Variants in MOB3B observed in about 807,000 individuals in gnomAD.
MOB3B encodes MOB kinase activator-like 2B.
Under a neutral mutation model 18.7 loss-of-function variants are expected in MOB3B, and 7 were observed. The observed-to-expected ratio is 0.37, with a 90% confidence interval of 0.21 to 0.70. MOB3B has a LOEUF of 0.70. Among genes scored for constraint, MOB3B ranks in the 30% least tolerant of loss-of-function variants. The pLI is 0.52. For synonymous variants in MOB3B, 111 were observed against 99.9 expected, an observed-to-expected ratio of 1.11 and a Z score of -0.66; for missense variants, 253 against 281.3, an observed-to-expected ratio of 0.90 and a Z score of 0.72.
At chr9:27,436,080 C>G (rs1267410977) in intron 2 of MOB3B, among the ~76,000 whole-genome samples, 1 of 152,170 alleles carries the variant, frequency 6.6e-6, no homozygotes, top group East Asian at 1.9e-4. Flanking sequence ...CTACCCAGAC[C>G]CCGTACCACC....
intron 2 of MOB3B, among the ~76,000 whole-genome samples, chr9:27,427,879 C>G (rs976616431): frequency 6.6e-6 from 1 of 152,154 alleles, no homozygotes; most frequent in African/African-American, 2.4e-5. Context: ...GGCTCTCCAG[C>G]AGTCCCTCCA....
chr9:27,513,439 G>C (rs1238490432), intron 1 of MOB3B, among the ~76,000 whole-genome samples: 1 of 152,068 alleles, frequency 6.6e-6, no homozygotes, highest in African/African-American at 2.4e-5. Flanking sequence ...CCACTCTCTT[G>C]TTTGAAACTC....
intron 2 of MOB3B, among the ~76,000 whole-genome samples, chr9:27,426,295 C>G (rs60153057): frequency 0.011 from 1,672 of 152,288 alleles, 34 homozygotes; most frequent in African/African-American, 0.038. Flanking sequence ...TTCTCAGTTA[C>G]AAGCACCAAA....
chr9:27,464,208 A>AG (rs1160524045), intron 1 of MOB3B, among the ~76,000 whole-genome samples: 1 of 152,130 alleles, frequency 6.6e-6, no homozygotes, highest in Non-Finnish European at 1.5e-5. Context: ...AGAAATAGGC[A>AG]GGAGGTGGTA....
At chr9:27,452,203 CCCGT>C (rs1279149969) in intron 2 of MOB3B, among the ~76,000 whole-genome samples, 93 of 149,456 alleles carry the variant, frequency 6.2e-4, no homozygotes, top group African/African-American at 2.3e-3. Flanking sequence ...CATCCACCCA[CCCGT>C]CCATCCATCC....
chr9:27,327,432 A>G lies in MOB3B; in HGVS notation c.*3155T>C, dbSNP rs910375302. ...ACATCACACATGTAGCAGTCTTGGGAAAAAAAATGTAACCTGTATCTCGTA... is the reference window on the plus strand; with the variant it reads ...ACATCACACATGTAGCAGTCTTGGGGAAAAAAATGTAACCTGTATCTCGTA... On this transcript the variant is annotated 3_prime_UTR_variant, in exon 4 of 4. Transcript: ENST00000262244. 5 of 151,982 alleles carry G rather than the reference A, an allele frequency of 3.3e-5. No homozygotes were observed. Among genetic ancestry groups the G allele is most frequent in the East Asian group, 1.9e-4 (1 of 5,198 alleles). The allele number at this position is 151,982 out of a possible 1,614,324, so 9.4% of individuals were successfully genotyped here. A position where few individuals can be genotyped will look rare whatever the true frequency, so the allele number is the denominator to read the frequency against.
intron 1 of MOB3B, among the ~76,000 whole-genome samples, chr9:27,509,878 C>T (rs1196671988): frequency 2.0e-5 from 3 of 152,154 alleles, no homozygotes; most frequent in African/African-American, 7.2e-5. Context: ...GCGCGCAGCA[C>T]CGCGTCCGGC....
At chr9:27,428,987 T>C (rs1238889907) in intron 2 of MOB3B, among the ~76,000 whole-genome samples, 1 of 152,200 alleles carries the variant, frequency 6.6e-6, no homozygotes, top group Non-Finnish European at 1.5e-5. Flanking sequence ...AAAATAAACA[T>C]GACATTCTGA....
intron 1 of MOB3B, among the ~76,000 whole-genome samples, chr9:27,514,093 C>T (rs1176895928): frequency 7.9e-5 from 12 of 152,094 alleles, no homozygotes; most frequent in Admixed American, 3.3e-4. Flanking sequence ...GTACATCTCT[C>T]CTGGGAATAT....
At chr9:27,435,209 C>T (rs1423222808) in intron 2 of MOB3B, among the ~76,000 whole-genome samples, 18 of 152,102 alleles carry the variant, frequency 1.2e-4, no homozygotes, top group Admixed American at 1.2e-3. Flanking sequence ...CAGAGTTTCC[C>T]CACACTCCTT....
chr9:27,458,249 C>T (rs1046364351), intron 1 of MOB3B, among the ~76,000 whole-genome samples: 1 of 152,058 alleles, frequency 6.6e-6, no homozygotes, highest in Non-Finnish European at 1.5e-5. Context: ...CTTCTGTTTT[C>T]CCTCAGCCAG....
chr9:27,443,871 C>G (rs1203162587), intron 2 of MOB3B, among the ~76,000 whole-genome samples: 1 of 152,094 alleles, frequency 6.6e-6, no homozygotes, highest in African/African-American at 2.4e-5. Context: ...TGGCCTTCTC[C>G]TTGGGCTGTC....
intron 1 of MOB3B, among the ~76,000 whole-genome samples, chr9:27,456,583 T>C (rs961524078): frequency 5.9e-5 from 9 of 152,252 alleles, no homozygotes; most frequent in African/African-American, 2.2e-4. Flanking sequence ...AAAGCCTTAC[T>C]GTATTTCAGC....
At chr9:27,387,659 C>T (rs576847267) in intron 2 of MOB3B, among the ~76,000 whole-genome samples, 1 of 152,174 alleles carries the variant, frequency 6.6e-6, no homozygotes, top group East Asian at 1.9e-4. Context: ...CCTAAAGTTC[C>T]CTGCATCACC....
At chr9:27,332,572 C>T (rs1473081191) in intron 3 of MOB3B, among the ~76,000 whole-genome samples, 1 of 152,148 alleles carries the variant, frequency 6.6e-6, no homozygotes, top group Non-Finnish European at 1.5e-5. Flanking sequence ...CTATGACCTC[C>T]AATGGACAGA....
chr9:27,514,804 G>C (rs57864515), intron 1 of MOB3B, among the ~76,000 whole-genome samples: 4,808 of 152,320 alleles, frequency 0.032, 99 homozygotes, highest in Middle Eastern at 0.065. Flanking sequence ...TGTCTGCCAA[G>C]GAACTGCATG....
At chr9:27,468,211 TC>T (rs556884004) in intron 1 of MOB3B, among the ~76,000 whole-genome samples, 10 of 152,142 alleles carry the variant, frequency 6.6e-5, no homozygotes, top group Non-Finnish European at 1.2e-4. Context: ...CAGTTACTGC[TC>T]AGTGGCAGAC....
chr9:27,462,417 T>C (rs1490594982), intron 1 of MOB3B, among the ~76,000 whole-genome samples: 1 of 152,216 alleles, frequency 6.6e-6, no homozygotes, highest in African/African-American at 2.4e-5. Context: ...GCTTAAGTTA[T>C]AGCTGAAATA....
At chr9:27,457,712 G>T (rs1332529811) in intron 1 of MOB3B, among the ~76,000 whole-genome samples, 1 of 151,782 alleles carries the variant, frequency 6.6e-6, no homozygotes, top group African/African-American at 2.4e-5. Flanking sequence ...CCTATTCACA[G>T]GACATTGACC....
Sources: gnomAD v4.1 joint callset for allele counts (sites outside exome capture counted in the v4.1 genomes callset) on GRCh38, gnomAD v4.1.1 for gene constraint, MANE v1.5 for transcripts, NCBI Gene and HGNC (gene_info 2026-07-23, HGNC 2026-07-21) for gene names.